NSUN6: variants seen among roughly 807,000 people sequenced by gnomAD.
NSUN6 encodes the protein tRNA (cytosine(72)-C(5))-methyltransferase NSUN6.
A neutral mutation model predicts 58.0 loss-of-function variants in NSUN6; 64 were observed. The observed-to-expected ratio is 1.10, with a 90% CI of 0.90 to 1.36. The LOEUF is 1.36. NSUN6 is among the 40% of genes most tolerant of loss of function. NSUN6 has a pLI of 0.00. For synonymous variants in NSUN6, 231 were observed against 193.9 expected (o/e 1.19, Z -1.59); for missense variants, 701 against 550.1 (o/e 1.27, Z -2.74).
chr10:18,619,952 CCT>C (rs2058544170), intron 3 of NSUN6, among the ~76,000 whole-genome samples: 1 of 151,838 alleles, frequency 6.6e-6, no homozygotes, highest in Non-Finnish European at 1.5e-5. Flanking sequence ...ATAAAACATC[CCT>C]TTTTTTTTAA....
chr10:18,579,721 G>T (rs1406036112), intron 8 of NSUN6, among the ~76,000 whole-genome samples: 1 of 152,300 alleles, frequency 6.6e-6, no homozygotes, highest in East Asian at 1.9e-4. Context: ...CTCCGGTAAG[G>T]TGGAAGTGGG....
At chr10:18,601,809 T>G (rs1200306274) in intron 6 of NSUN6, among the ~76,000 whole-genome samples, 2 of 151,864 alleles carry the variant, frequency 1.3e-5, no homozygotes, top group Admixed American at 6.6e-5. Context: ...GGTCCCCATC[T>G]CTACTAAAAA....
chr10:18,614,389 T>C (rs2058338738), intron 5 of NSUN6, 71 bp downstream of exon 5: 2 of 967,682 alleles, frequency 2.1e-6, no homozygotes, highest in African/African-American at 1.7e-5. Context: ...CTAGATACAT[T>C]TTACATTATT....
At chr10:18,556,547 T>C (rs1441274091) in intron 8 of NSUN6, among the ~76,000 whole-genome samples, 1 of 147,154 alleles carries the variant, frequency 6.8e-6, no homozygotes, top group African/African-American at 2.5e-5. Flanking sequence ...GTGAATAGAA[T>C]GAAATGGAGA....
chr10:18,594,843 G>C (rs776976660), intron 7 of NSUN6, among the ~76,000 whole-genome samples: 3 of 152,128 alleles, frequency 2.0e-5, no homozygotes, highest in African/African-American at 4.8e-5. Flanking sequence ...CTGTCACTCT[G>C]ATGGGATTCA....
upstream of NSUN6, chr10:18,652,289 T>A (rs1362798269): frequency 7.1e-6 from 7 of 984,924 alleles, no homozygotes; most frequent in Non-Finnish European, 8.4e-6. Flanking sequence ...CTAACCAAAC[T>A]CACTGAGTCA....
intron 3 of NSUN6, among the ~76,000 whole-genome samples, chr10:18,625,630 T>C (rs549073327): frequency 2.2e-3 from 322 of 147,390 alleles, no homozygotes; most frequent in South Asian, 7.5e-3. Flanking sequence ...GGAGAATCAC[T>C]TGAATCCGGG....
intron 7 of NSUN6, among the ~76,000 whole-genome samples, chr10:18,588,593 T>C (rs765108886): frequency 5.3e-5 from 8 of 152,140 alleles, no homozygotes; most frequent in Non-Finnish European, 1.2e-4. Context: ...CAGGCAGCAA[T>C]TTTTGCTGTT....
At chr10:18,615,128 T>TAC (rs1554876574) in intron 4 of NSUN6, among the ~76,000 whole-genome samples, 2,339 of 147,942 alleles carry the variant, frequency 0.016, 35 homozygotes, top group African/African-American at 0.037. Flanking sequence ...TATATATATA[T>TAC]ACACACACAT....
chr10:18,575,566 A>T (rs1333743265), intron 8 of NSUN6, among the ~76,000 whole-genome samples: 1 of 152,198 alleles, frequency 6.6e-6, no homozygotes, highest in Non-Finnish European at 1.5e-5. Context: ...AACATTAGAC[A>T]TTAGATGGCA....
chr10:18,636,549 G>C (rs969508049), intron 3 of NSUN6, among the ~76,000 whole-genome samples: 3 of 151,790 alleles, frequency 2.0e-5, no homozygotes, highest in Admixed American at 1.3e-4. Flanking sequence ...AGGAATTTTA[G>C]GGAAAATTTA....
intron 8 of NSUN6, among the ~76,000 whole-genome samples, chr10:18,569,560 C>A (rs1438584583): frequency 2.0e-5 from 3 of 150,028 alleles, no homozygotes; most frequent in Non-Finnish European, 4.5e-5. Context: ...CCTTTCCATT[C>A]TCCCTTCCAT....
intron 8 of NSUN6, among the ~76,000 whole-genome samples, chr10:18,564,237 T>G (rs1432169273): frequency 6.6e-6 from 1 of 151,232 alleles, no homozygotes; most frequent in Non-Finnish European, 1.5e-5. Flanking sequence ...CTCTATTACA[T>G]TCCATTCTCC....
chr10:18,622,790 T>C (rs146620877), intron 3 of NSUN6, among the ~76,000 whole-genome samples: 1,785 of 152,352 alleles, frequency 0.012, 45 homozygotes, highest in African/African-American at 0.04. Context: ...ATTTATGCTG[T>C]TGAATTACAT....
intron 5 of NSUN6, among the ~76,000 whole-genome samples, chr10:18,612,289 G>A (rs779024284): frequency 1.3e-5 from 2 of 152,138 alleles, no homozygotes; most frequent in Non-Finnish European, 2.9e-5. Flanking sequence ...TGATCATGGT[G>A]TCATGTGCCT....
chr10:18,579,124 T>C (rs1017621013), intron 8 of NSUN6, among the ~76,000 whole-genome samples: 4 of 152,242 alleles, frequency 2.6e-5, no homozygotes, highest in Non-Finnish European at 4.4e-5. Context: ...GCATGAGATA[T>C]ATGCTAAGAA....
intron 3 of NSUN6, among the ~76,000 whole-genome samples, chr10:18,636,312 T>C (rs1303763206): frequency 6.7e-6 from 1 of 149,976 alleles, no homozygotes; most frequent in Admixed American, 6.7e-5. Context: ...ACTGCATCCA[T>C]GTGAATTATA....
At chr10:18,586,377 T>A (rs1326375232) in intron 7 of NSUN6, among the ~76,000 whole-genome samples, 1 of 152,070 alleles carries the variant, frequency 6.6e-6, no homozygotes, top group African/African-American at 2.4e-5. Flanking sequence ...CTTCAGATGT[T>A]CAGATGTGTC....
At chr10:18,614,666 C>T (rs541698871) in intron 4 of NSUN6, 53 bp from the exon 5 acceptor site, 7 of 981,570 alleles carry the variant, frequency 7.1e-6, no homozygotes, top group East Asian at 5.7e-5. Context: ...GCAGAAGAAT[C>T]GTGAAAATTA....
Sources: gnomAD v4.1 joint callset for allele counts (sites outside exome capture counted in the v4.1 genomes callset) on GRCh38, gnomAD v4.1.1 for gene constraint, MANE v1.5 for transcripts, NCBI Gene and HGNC (gene_info 2026-07-23, HGNC 2026-07-21) for gene names.